STXBP6: variants seen among roughly 807,000 people sequenced by gnomAD.
STXBP6 encodes the protein syntaxin binding protein 6.
Under a neutral mutation model 26.9 loss-of-function variants are expected in STXBP6, and 21 were observed. That is an observed-to-expected ratio of 0.78 (90% CI 0.55 to 1.12). The LOEUF (loss-of-function observed/expected upper bound fraction) is 1.12, where lower values mean the gene tolerates loss of function less well. Among genes scored for constraint, STXBP6 ranks in the 50% most tolerant of loss-of-function variants. STXBP6 has a pLI of 0.00. For missense variants in STXBP6, 232 were observed against 257.9 expected, an observed-to-expected ratio of 0.90 and a Z score of 0.69; for synonymous variants, 97 against 92.6, an observed-to-expected ratio of 1.05 and a Z score of -0.27.
At chr14:24,815,309 C>T (rs2067938997) in intron 5 of STXBP6, among the ~76,000 whole-genome samples, 1 of 151,966 alleles carries the variant, frequency 6.6e-6, no homozygotes, top group Admixed American at 6.6e-5. Flanking sequence ...TTCTTAATAT[C>T]TCATGGAAAG....
chr14:25,042,275 C>T (rs2075655125), intron 1 of STXBP6, among the ~76,000 whole-genome samples: 1 of 149,814 alleles, frequency 6.7e-6, no homozygotes, highest in Non-Finnish European at 1.5e-5. Flanking sequence ...CTTCATCTTA[C>T]AGCTCATAAT....
At chr14:24,905,208 T>G (rs1174935416) in intron 2 of STXBP6, among the ~76,000 whole-genome samples, 2 of 152,182 alleles carry the variant, frequency 1.3e-5, no homozygotes. Flanking sequence ...GGCTGTTTAT[T>G]CCAAAGTCCC....
chr14:24,935,249 T>A (rs1004888028), intron 2 of STXBP6, among the ~76,000 whole-genome samples: 5 of 152,176 alleles, frequency 3.3e-5, no homozygotes, highest in Non-Finnish European at 5.9e-5. Context: ...GCCTCTTATG[T>A]GCAAATAGGT....
intron 1 of STXBP6, among the ~76,000 whole-genome samples, chr14:25,024,940 G>A (rs1336976264): frequency 6.6e-6 from 1 of 151,740 alleles, no homozygotes; most frequent in South Asian, 2.1e-4. Flanking sequence ...TTTTGTTGTT[G>A]TTTCTATGTT....
chr14:24,850,766 T>G (rs1250792531), intron 4 of STXBP6, among the ~76,000 whole-genome samples: 1 of 152,094 alleles, frequency 6.6e-6, no homozygotes, highest in African/African-American at 2.4e-5. Context: ...TAGCGCTGAG[T>G]AAATGATTGT....
intron 1 of STXBP6, among the ~76,000 whole-genome samples, chr14:25,040,235 C>G (rs950350003): frequency 6.6e-6 from 1 of 152,184 alleles, no homozygotes; most frequent in Non-Finnish European, 1.5e-5. Flanking sequence ...CTTTATTTTC[C>G]AAACTCAAGT....
chr14:25,010,617 G>C (rs1030174740), intron 1 of STXBP6: 3 of 152,184 alleles, frequency 2.0e-5, no homozygotes, highest in Admixed American at 6.5e-5. Flanking sequence ...CCTTATGAAG[G>C]AGCAGAACTT....
chr14:24,964,285 G>A (rs1363269981), intron 2 of STXBP6, among the ~76,000 whole-genome samples: 1 of 152,202 alleles, frequency 6.6e-6, no homozygotes, highest in Non-Finnish European at 1.5e-5. Context: ...TGCTATTACA[G>A]AGATGACATG....
At chr14:24,982,102 G>A (rs564980186) in intron 1 of STXBP6, among the ~76,000 whole-genome samples, 4 of 152,238 alleles carry the variant, frequency 2.6e-5, no homozygotes, top group South Asian at 2.1e-4. Flanking sequence ...GACAGTCTTC[G>A]TACTCCACTA....
chr14:24,816,609 C>G (rs570098379), intron 5 of STXBP6: 2 of 152,120 alleles, frequency 1.3e-5, no homozygotes, highest in African/African-American at 4.8e-5. Flanking sequence ...CGCCTCACCC[C>G]TCCCGAGTGA....
chr14:24,995,224 G>A (rs1407135911), intron 1 of STXBP6, among the ~76,000 whole-genome samples: 2 of 152,022 alleles, frequency 1.3e-5, no homozygotes, highest in Non-Finnish European at 2.9e-5. Flanking sequence ...CAGTTCTCTG[G>A]GGCCTCTTTT....
intron 4 of STXBP6, among the ~76,000 whole-genome samples, chr14:24,838,016 T>A (rs1008093223): frequency 6.6e-6 from 1 of 152,216 alleles, no homozygotes; most frequent in Admixed American, 6.5e-5. Flanking sequence ...AACTGAGAGC[T>A]TCACTGTTTT....
intron 2 of STXBP6, among the ~76,000 whole-genome samples, chr14:24,899,780 C>CA (rs58367371): frequency 0.038 from 1,758 of 46,496 alleles, 144 homozygotes; most frequent in African/African-American, 0.11. Context: ...GACTACATTT[C>CA]AAAAAAAAAA....
intron 1 of STXBP6, among the ~76,000 whole-genome samples, chr14:25,011,426 T>C (rs766526045): frequency 1.2e-4 from 19 of 152,216 alleles, no homozygotes; most frequent in Non-Finnish European, 2.5e-4. Flanking sequence ...CACTGCTAAC[T>C]GTTTTGGAAA....
intron 2 of STXBP6, among the ~76,000 whole-genome samples, chr14:24,969,608 C>T (rs1040305271): frequency 4.6e-5 from 7 of 152,154 alleles, no homozygotes; most frequent in African/African-American, 1.7e-4. Context: ...ACAAAAAACT[C>T]AAATACATTT....
At chr14:24,944,788 T>C (rs963603092) in intron 2 of STXBP6, among the ~76,000 whole-genome samples, 5 of 152,094 alleles carry the variant, frequency 3.3e-5, no homozygotes, top group African/African-American at 9.7e-5. Context: ...GTACTCTCCA[T>C]TGCTTTATGG....
chr14:25,014,419 C>T (rs1017721482), intron 1 of STXBP6, among the ~76,000 whole-genome samples: 2 of 152,136 alleles, frequency 1.3e-5, no homozygotes, highest in East Asian at 1.9e-4. Flanking sequence ...GAGCCAAGAT[C>T]GTACTGCTGC....
intron 2 of STXBP6, among the ~76,000 whole-genome samples, chr14:24,868,684 C>G (rs891935720): frequency 6.6e-6 from 1 of 152,162 alleles, no homozygotes; most frequent in African/African-American, 2.4e-5. Flanking sequence ...TGCTGCAGGT[C>G]AAAGAGGTCA....
At chr14:24,813,593 C>A (rs1422943790) in intron 5 of STXBP6, among the ~76,000 whole-genome samples, 1 of 152,170 alleles carries the variant, frequency 6.6e-6, no homozygotes. Flanking sequence ...GGGCTGGGAA[C>A]AACTGGGGTT....
Sources: allele counts gnomAD v4.1 joint callset (sites outside exome capture counted in the v4.1 genomes callset), GRCh38; gene constraint gnomAD v4.1.1; transcripts MANE v1.5; gene names NCBI Gene and HGNC (gene_info 2026-07-23, HGNC 2026-07-21).